The following ETNK1 variants were observed in gnomAD, a reference collection of about 807,000 sequenced individuals.
The protein encoded by ETNK1 is ethanolamine kinase 1, also known as putative protein product of Nbla10396.
Under a neutral mutation model 45.1 loss-of-function variants are expected in ETNK1, and 8 were observed. That is an observed-to-expected ratio of 0.18 (90% CI 0.10 to 0.32). The LOEUF (loss-of-function observed/expected upper bound fraction) is 0.32, where lower values mean the gene tolerates loss of function less well. ETNK1 is among the 10% of genes least tolerant of loss of function. The probability of loss-of-function intolerance (pLI) is 1.00; values close to 1 mark genes in which losing one functional copy is unlikely to be tolerated. For missense variants in ETNK1, 302 were observed against 430.6 expected, an observed-to-expected ratio of 0.70 and a Z score of 2.64; for synonymous variants, 152 against 151.9, an observed-to-expected ratio of 1.00 and a Z score of -0.01.
intron 1 of ETNK1, among the ~76,000 whole-genome samples, chr12:22,632,873 T>C (rs1953598675): frequency 6.6e-6 from 1 of 152,216 alleles, no homozygotes; most frequent in Non-Finnish European, 1.5e-5. Flanking sequence ...AAAATTTTGG[T>C]TTGGCGTATG....
chr12:22,655,013 C>T (rs1953920323), intron 2 of ETNK1, among the ~76,000 whole-genome samples: 1 of 152,180 alleles, frequency 6.6e-6, no homozygotes, highest in Admixed American at 6.5e-5. Context: ...TTGTTACCCA[C>T]GTTGGAGTAC....
At position 22,687,787 on chromosome 12, in the gene ETNK1, ATTG is replaced by A. The variant is rs1954272606; in HGVS notation, c.*2836_*2838del. ...CTGTATCTTGCATATGAGACTGTGTATTGTTTTGCATTCTCTTCCCTTTTGTAG... is the reference window on the plus strand; with the variant it reads ...CTGTATCTTGCATATGAGACTGTGTATTTTGCATTCTCTTCCCTTTTGTAG... On this transcript the variant is annotated 3_prime_UTR_variant, in exon 8 of 8. Transcript: ENST00000266517. 6.6e-6 allele frequency: 1 copy of A among 152,274 alleles called. No homozygotes were observed. The highest frequency in any genetic ancestry group is 1.9e-4 in the East Asian group (1 of 5,192). The allele number at this position is 152,274 out of a possible 1,614,324, so 9.4% of individuals were successfully genotyped here.
Position 22,686,783 on chromosome 12 carries a change from T to G in ETNK1, c.*1829T>G, listed in dbSNP as rs570239071. ...GTTAGTGTGAACTTGAAAAATTGTTTTTGGTGGAATTTTTGTCTGTGGTTA... is the reference window on the plus strand; with the variant it reads ...GTTAGTGTGAACTTGAAAAATTGTTGTTGGTGGAATTTTTGTCTGTGGTTA... On this transcript the variant is annotated 3_prime_UTR_variant, in exon 8 of 8. Coordinates refer to ENST00000266517, the MANE Select transcript of ETNK1 (RefSeq NM_018638.5). The G allele has an allele frequency of 5.9e-5, 9 of 152,058 alleles. No individual in the cohort carries two copies. In the East Asian group the frequency reaches 1.7e-3, roughly 29 times the overall value. The allele number at this position is 152,058 out of a possible 1,614,324, so 9.4% of individuals were successfully genotyped here. A position where few individuals can be genotyped will look rare whatever the true frequency, so the allele number is the denominator to read the frequency against.
intron 1 of ETNK1, among the ~76,000 whole-genome samples, chr12:22,642,061 G>A (rs1953747298): frequency 6.6e-6 from 1 of 152,134 alleles, no homozygotes; most frequent in African/African-American, 2.4e-5. Context: ...AGACATTAAT[G>A]TTGGTAGCTA....
At chr12:22,683,182 G>A (rs1954229688) in intron 6 of ETNK1, among the ~76,000 whole-genome samples, 1 of 151,914 alleles carries the variant, frequency 6.6e-6, no homozygotes, top group Non-Finnish European at 1.5e-5. Flanking sequence ...TCATGTGCAA[G>A]TGACTTTAGT....
In ETNK1 at chr12:22,686,573, G is replaced by A. The variant is rs1286431476; in HGVS notation, c.*1619G>A. On this transcript the variant is annotated 3_prime_UTR_variant, in exon 8 of 8. Coordinates refer to ENST00000266517, the MANE Select transcript of ETNK1 (RefSeq NM_018638.5). The stretch of plus-strand genomic sequence containing the variant: ...AGGCCATTTTAAATGGTAAATTCTA[G>A]TTACATAAATATAATCTTAAAGTAT... The A allele has an allele frequency of 6.6e-6, 1 of 152,290 alleles. No homozygotes were observed. Among genetic ancestry groups the A allele is most frequent in the East Asian group, 1.9e-4 (1 of 5,192 alleles). 9.4% of individuals were successfully genotyped at this position (152,290 alleles called of 1,614,324 possible). A position where few individuals can be genotyped will look rare whatever the true frequency, so the allele number is the denominator to read the frequency against.
chr12:22,661,192 C>T lies in ETNK1; in HGVS notation c.687C>T (p.Tyr229=). The T allele has an allele frequency of 6.2e-7, 1 of 1,602,260 alleles. No individual in the cohort carries two copies. The highest frequency in any genetic ancestry group is 8.5e-7 in the Non-Finnish European group (1 of 1,177,256). ...ACCTATTGTGTAAGAATATAATCTA[C>T]AATGAGAAACAAGGTAGGTATTTGA... is the stretch of plus-strand genomic sequence containing the variant. ...HNDLLCKNII[Y]NEKQGDVQFI... is the part of the protein sequence containing the mutation. The change falls in exon 4 of 8, where the codon TAC becomes TAT. Residue 229 remains tyrosine (Y), a synonymous_variant. Transcript: ENST00000266517.
At chr12:22,654,122 A>G (rs7302103) in intron 2 of ETNK1, among the ~76,000 whole-genome samples, 7,992 of 152,276 alleles carry the variant, frequency 0.052, 684 homozygotes, top group African/African-American at 0.18. Context: ...AAAGAAATTT[A>G]CTTGCCCCTT....
At chr12:22,679,848 C>T (rs566623405) in intron 6 of ETNK1, among the ~76,000 whole-genome samples, 34 of 152,182 alleles carry the variant, frequency 2.2e-4, no homozygotes, top group African/African-American at 7.5e-4. Flanking sequence ...TTTGCCGCCA[C>T]ACCCAGCTAA....
At chr12:22,664,880 G>T (rs1450291237) in intron 4 of ETNK1, among the ~76,000 whole-genome samples, 2 of 152,072 alleles carry the variant, frequency 1.3e-5, no homozygotes, top group African/African-American at 4.8e-5. Flanking sequence ...CAGGGGACTG[G>T]CCTTGGAATC....
intron 4 of ETNK1, among the ~76,000 whole-genome samples, chr12:22,662,385 G>A (rs1954012733): frequency 2.2e-5 from 3 of 136,560 alleles, no homozygotes; most frequent in South Asian, 4.6e-4. Flanking sequence ...ACTGAGCCTG[G>A]CCTTTCCTTT....
At chr12:22,642,653 A>G (rs1565865476) in intron 1 of ETNK1, among the ~76,000 whole-genome samples, 3 of 152,070 alleles carry the variant, frequency 2.0e-5, no homozygotes, top group South Asian at 2.1e-4. Context: ...TAATTGAGAT[A>G]GAAATATTTA....
chr12:22,674,221 A>G (rs910109639), intron 6 of ETNK1, among the ~76,000 whole-genome samples: 2 of 152,178 alleles, frequency 1.3e-5, no homozygotes, highest in Non-Finnish European at 2.9e-5. Context: ...TTTAAAAATG[A>G]GCTCATTATC....
At chr12:22,667,168 A>G (rs1471252028) in intron 4 of ETNK1, among the ~76,000 whole-genome samples, 1 of 152,148 alleles carries the variant, frequency 6.6e-6, no homozygotes, top group Non-Finnish European at 1.5e-5. Flanking sequence ...GTGACCTAAT[A>G]TAGGTACTAG....
Position 22,641,348 on chromosome 12 carries a change from G to A in ETNK1, c.157-2415G>A, listed in dbSNP as rs1953734036. On this transcript the variant is annotated intron_variant, in intron 1 of 7. Transcript: ENST00000266517. ...ATGAAGCAGGCCCAAAGTTTGACTG[G>A]AAAAGAGCAGCAGTCACTCATATTA... Among the ~76,000 whole-genome samples the A allele has an allele frequency of 2.6e-5, 4 of 152,238 alleles. No homozygotes were observed. In the South Asian group the frequency reaches 8.3e-4, roughly 32 times the overall value.
In ETNK1 at chr12:22,684,945, G is replaced by A. The variant is rs138041873; in HGVS notation, c.1083G>A (p.Val361=). The change falls in exon 8 of 8, where the codon GTG becomes GTA. Residue 361 remains valine (V), a synonymous_variant. Transcript: ENST00000266517. ...AGCCTGAGGTTACTGCATTAAAAGTGCCTGAGTAAAGAAGAGATTTAATTA... is the reference window on the plus strand; with the variant it reads ...AGCCTGAGGTTACTGCATTAAAAGTACCTGAGTAAAGAAGAGATTTAATTA... The part of the protein sequence containing the change: ...KMKPEVTALK[V]PE 90 of 1,603,540 alleles carry A rather than the reference G, an allele frequency of 5.6e-5. No homozygotes were observed. Among genetic ancestry groups the A allele is most frequent in the Non-Finnish European group, 7.3e-5 (86 of 1,175,232 alleles).
intron 4 of ETNK1, among the ~76,000 whole-genome samples, chr12:22,661,766 A>T (rs1375032793): frequency 6.6e-6 from 1 of 152,226 alleles, no homozygotes; most frequent in Non-Finnish European, 1.5e-5. Context: ...TAAAGTAATC[A>T]AGAAACCTTG....
chr12:22,677,632 G>A (rs1002902671), intron 6 of ETNK1, among the ~76,000 whole-genome samples: 4 of 152,088 alleles, frequency 2.6e-5, no homozygotes, highest in Non-Finnish European at 5.9e-5. Context: ...TTTATTCTTC[G>A]TATCTATGAG....
At chr12:22,638,118 T>G (rs1953678936) in intron 1 of ETNK1, among the ~76,000 whole-genome samples, 1 of 152,100 alleles carries the variant, frequency 6.6e-6, no homozygotes, top group Admixed American at 6.5e-5. Flanking sequence ...TGCAAGAAAT[T>G]TGGCAGAGAA....
Sources: allele counts gnomAD v4.1 joint callset (sites outside exome capture counted in the v4.1 genomes callset), GRCh38; gene constraint gnomAD v4.1.1; transcripts MANE v1.5; gene names NCBI Gene and HGNC (gene_info 2026-07-23, HGNC 2026-07-21).